The following COL3A1 variants were observed in gnomAD, a reference collection of about 807,000 sequenced individuals.
COL3A1 encodes the protein collagen type III alpha 1 chain.
In COL3A1, 46 loss-of-function variants were observed where a neutral mutation model predicts 200.9. The observed-to-expected ratio is 0.23, with a 90% CI of 0.18 to 0.29. The LOEUF is 0.29. Ranked by LOEUF, COL3A1 falls within the 10% of genes least tolerant of loss-of-function variation. The probability of loss-of-function intolerance (pLI) is 1.00; values close to 1 mark genes in which losing one functional copy is unlikely to be tolerated. For synonymous variants in COL3A1, 650 were observed against 628.0 expected (o/e 1.03, Z -0.52); for missense variants, 1,367 against 1,917.6 (o/e 0.71, Z 5.36).
chr2:189,011,522 C>A, intron 50 of COL3A1, 106 bp from the exon 51 acceptor site: 1 of 1,289,946 alleles, frequency 7.8e-7, no homozygotes, highest in Non-Finnish European at 1.1e-6. Flanking sequence ...TAACATGGCA[C>A]GATGAATGCT....
intron 50 of COL3A1, among the ~76,000 whole-genome samples, chr2:189,011,368 A>G (rs1688720277): frequency 6.6e-6 from 1 of 152,224 alleles, no homozygotes; most frequent in African/African-American, 2.4e-5. Context: ...GGCCGGAACC[A>G]GGCCTCCTGA....
chr2:189,003,155 C>G (rs1291793733), intron 36 of COL3A1, 93 bp downstream of exon 36: 13 of 1,066,956 alleles, frequency 1.2e-5, no homozygotes, highest in East Asian at 1.0e-4. Context: ...CCCTCTCCCC[C>G]CTCTGTAAGT....
intron 23 of COL3A1, 55 bp from the exon 24 acceptor site, chr2:188,996,343 C>G (rs1024418303): frequency 1.6e-6 from 2 of 1,259,088 alleles, no homozygotes; most frequent in African/African-American, 3.1e-5. Context: ...ATATATATAG[C>G]ATGCTTTAAT....
intron 48 of COL3A1, among the ~76,000 whole-genome samples, chr2:189,009,518 A>G (rs967471082): frequency 7.2e-5 from 11 of 152,126 alleles, no homozygotes; most frequent in Non-Finnish European, 1.6e-4. Context: ...AGGATTAAAT[A>G]TACATAATTT....
At chr2:188,975,335 T>C (rs767860131) in intron 1 of COL3A1, among the ~76,000 whole-genome samples, 3 of 152,216 alleles carry the variant, frequency 2.0e-5, no homozygotes, top group Non-Finnish European at 4.4e-5. Context: ...ACTGTTTGAC[T>C]TCAGAAAGCT....
intron 26 of COL3A1, 76 bp from the exon 27 acceptor site, chr2:188,997,624 A>C: frequency 7.0e-7 from 1 of 1,434,124 alleles, no homozygotes; most frequent in Non-Finnish European, 9.8e-7. Context: ...ATTAAGCAAC[A>C]GGCCTGTTGA....
At chr2:188,985,151 T>G (rs762516104) in intron 2 of COL3A1, 46 bp from the exon 3 acceptor site, 7 of 1,575,178 alleles carry the variant, frequency 4.4e-6, no homozygotes, top group Middle Eastern at 1.7e-4. Context: ...CTAAATAATA[T>G]GCAAATTCTG....
At chr2:189,008,327 G>GA (rs1181653928) in intron 47 of COL3A1, 185 bp downstream of exon 47, 2 of 630,982 alleles carry the variant, frequency 3.2e-6, no homozygotes, top group East Asian at 2.8e-5. Context: ...TATAACAGGA[G>GA]AAAAATACCT....
At chr2:188,992,547 A>G (rs976266892) in intron 14 of COL3A1, among the ~76,000 whole-genome samples, 1 of 152,062 alleles carries the variant, frequency 6.6e-6, no homozygotes, top group Non-Finnish European at 1.5e-5. Flanking sequence ...GTTAGTTAAT[A>G]TCCTATGTAA....
chr2:188,995,212 T>C, intron 21 of COL3A1, 113 bp downstream of exon 21: 1 of 1,061,724 alleles, frequency 9.4e-7, no homozygotes, highest in East Asian at 2.6e-5. Context: ...ATATTAGAGT[T>C]AAGAAAAATT....
In COL3A1 at chr2:189,004,339, G is replaced by T; in HGVS notation, c.2906G>T (p.Gly969Val). 6.2e-7 allele frequency: 1 copy of T among 1,603,506 alleles called. No individual in the cohort carries two copies. The highest frequency in any genetic ancestry group is 8.5e-7 in the Non-Finnish European group (1 of 1,175,340). ...AGPPGMPGPR[G>V]SPGPQGVKGE... is the part of the protein sequence containing the mutation. ...CCACCAGGCATGCCAGGTCCTAGGG[G>T]AAGCCCTGGCCCTCAGGGTGTCAAG... The change falls in exon 40 of 51, where the codon GGA becomes GTA. Residue 969 changes from glycine to valine, a missense_variant. Around this residue, in one of 5 missense-constraint regions of COL3A1, gnomAD observed 846 missense variants for 1,147.9 expected, o/e 0.74. Coordinates refer to ENST00000304636, the MANE Select transcript of COL3A1 (RefSeq NM_000090.4).
chr2:188,989,373 A>G, intron 7 of COL3A1, 23 bp from the exon 8 acceptor site: 1 of 1,556,708 alleles, frequency 6.4e-7, no homozygotes, highest in African/African-American at 1.4e-5. Context: ...AAATCTATTC[A>G]TTTTTTATTT....
chr2:188,974,759 T>G (rs1687772357), intron 1 of COL3A1, among the ~76,000 whole-genome samples, 191 bp downstream of exon 1: 1 of 152,188 alleles, frequency 6.6e-6, no homozygotes, highest in Admixed American at 6.5e-5. Flanking sequence ...GTTATGTGTG[T>G]TTTTAAGAGT....
chr2:188,985,811 C>A, intron 4 of COL3A1, 33 bp downstream of exon 4: 1 of 1,408,054 alleles, frequency 7.1e-7, no homozygotes, highest in Non-Finnish European at 1.0e-6. Flanking sequence ...AAAATTCCCT[C>A]ATAAAACTAT....
chr2:189,010,993 A>G, intron 50 of COL3A1, 103 bp downstream of exon 50: 1 of 1,453,748 alleles, frequency 6.9e-7, no homozygotes, highest in Non-Finnish European at 9.5e-7. Flanking sequence ...AGGATGAAAT[A>G]AAGATAGCAT....
chr2:188,981,082 ATAAC>A (rs1559051351), intron 1 of COL3A1, among the ~76,000 whole-genome samples: 1 of 151,504 alleles, frequency 6.6e-6, no homozygotes, highest in Admixed American at 6.6e-5. Flanking sequence ...TAAGACAAAC[ATAAC>A]ATTCATTTTT....
chr2:188,978,218 C>A, intron 1 of COL3A1: 1 of 183,828 alleles, frequency 5.4e-6, no homozygotes, highest in Non-Finnish European at 1.3e-5. Flanking sequence ...GAAAAGAAAG[C>A]AAATCCACTG....
chr2:188,985,860 C>G, intron 4 of COL3A1, 82 bp downstream of exon 4: 1 of 906,306 alleles, frequency 1.1e-6, no homozygotes, highest in Admixed American at 2.0e-5. Context: ...TTACGTCTCA[C>G]TATTATGAGT....
In COL3A1 at chr2:188,985,242, G is replaced by A; in HGVS notation, c.328G>A (p.Asp110Asn). 6.2e-7 allele frequency: 1 copy of A among 1,609,180 alleles called. No individual in the cohort carries two copies. Among genetic ancestry groups the A allele is most frequent in the South Asian group, 1.1e-5 (1 of 90,960 alleles). The change falls in exon 3 of 51, where the codon GAT (aspartate) becomes AAT (asparagine). Residue 110 changes from aspartate (D) to asparagine (N), a missense_variant. By Grantham distance (23) the Asp-to-Asn change is conservative (BLOSUM62 1). Coordinates refer to ENST00000304636, the MANE Select transcript of COL3A1 (RefSeq NM_000090.4). ...TCAAGGACCTCAAGGCCCCAAGGGA[G>A]ATCCAGTAAGTAAACATTCTTCAGT... Reference protein sequence around the residue: ...NGQGPQGPKGDPGPPGIPGRN... With the variant: ...NGQGPQGPKGNPGPPGIPGRN...
Sources: allele counts gnomAD v4.1 joint callset (sites outside exome capture counted in the v4.1 genomes callset), GRCh38; gene constraint gnomAD v4.1.1; regional missense constraint gnomAD v4.1.1; transcripts MANE v1.5; gene names NCBI Gene and HGNC (gene_info 2026-07-23, HGNC 2026-07-21).